The following NUP98 variants were observed in gnomAD, a reference collection of about 807,000 sequenced individuals.
NUP98 encodes the protein nuclear pore complex protein Nup98-Nup96.
Under a neutral mutation model 191.9 loss-of-function variants are expected in NUP98, and 26 were observed. That is an observed-to-expected ratio of 0.14 (90% CI 0.10 to 0.19). The LOEUF (loss-of-function observed/expected upper bound fraction) is 0.19, where lower values mean the gene tolerates loss of function less well. NUP98 is among the 10% of genes least tolerant of loss of function. The pLI, the probability that NUP98 is intolerant of heterozygous loss-of-function variation, is 1.00. For synonymous variants in NUP98, 808 were observed against 778.4 expected, an observed-to-expected ratio of 1.04 and a Z score of -0.63; for missense variants, 1,941 against 2,178.8, an observed-to-expected ratio of 0.89 and a Z score of 2.17.
At chr11:3,791,944 C>T (rs763769077) in intron 1 of NUP98, among the ~76,000 whole-genome samples, 1 of 151,438 alleles carries the variant, frequency 6.6e-6, no homozygotes. Flanking sequence ...CTTTGGGAGG[C>T]GGAGGTGAGC....
rs574289136 is a variant in NUP98 at position 3,699,152 on chromosome 11, A to G, written c.3939T>C (p.Pro1313=). Residue 1313 remains proline, a synonymous_variant, in exon 25 of 33, where the codon CCT becomes CCC. Transcript: ENST00000324932. ...TGAGGTAGCTGAATACAGCCTCCAC[A>G]GGGCTGTTTTTTTGGGTTAAGGAGA... ...EEVSLTQKNS[P]VEAVFSYLTG... 6.2e-7 allele frequency: 1 copy of G among 1,613,948 alleles called. No homozygotes were observed.
At chr11:3,735,403 T>C in intron 12 of NUP98, 79 bp from the exon 13 acceptor site, 1 of 781,172 alleles carries the variant, frequency 1.3e-6, no homozygotes, top group Non-Finnish European at 1.7e-6. Context: ...AACACAGAGC[T>C]CGGTATTCTT....
intron 14 of NUP98, among the ~76,000 whole-genome samples, chr11:3,729,138 A>G (rs2079734784): frequency 6.6e-6 from 1 of 152,168 alleles, no homozygotes; most frequent in African/African-American, 2.4e-5. Flanking sequence ...TGGGTTGGAG[A>G]TAAAAATTTG....
chr11:3,677,809 A>C (rs1197999470), intron 31 of NUP98, among the ~76,000 whole-genome samples: 1 of 152,140 alleles, frequency 6.6e-6, no homozygotes, highest in Non-Finnish European at 1.5e-5. Flanking sequence ...ATTCATACTA[A>C]AAGTACAGCA....
At chr11:3,780,796 G>C (rs1382066289) in intron 2 of NUP98, among the ~76,000 whole-genome samples, 5 of 151,496 alleles carry the variant, frequency 3.3e-5, no homozygotes, top group Non-Finnish European at 5.9e-5. Context: ...CATGAGCCAG[G>C]AGGCCAGGCG....
intron 12 of NUP98, among the ~76,000 whole-genome samples, chr11:3,737,780 G>T (rs7937476): frequency 0.018 from 2,804 of 152,092 alleles, 100 homozygotes; most frequent in African/African-American, 0.064. Context: ...AGTTTGCTCA[G>T]GATCTCAAAC....
intron 22 of NUP98, among the ~76,000 whole-genome samples, chr11:3,704,634 C>A (rs1184497393): frequency 6.6e-6 from 1 of 152,222 alleles, no homozygotes; most frequent in Non-Finnish European, 1.5e-5. Flanking sequence ...AAAACATGAA[C>A]CTAAACAAAG....
intron 1 of NUP98, among the ~76,000 whole-genome samples, chr11:3,784,189 C>A (rs992060257): frequency 1.1e-4 from 17 of 152,200 alleles, no homozygotes; most frequent in African/African-American, 3.4e-4. Flanking sequence ...ATTTTGAGGT[C>A]TTCCCCAAAT....
chr11:3,676,947 C>A (rs1261880907), intron 31 of NUP98, among the ~76,000 whole-genome samples: 2 of 152,142 alleles, frequency 1.3e-5, no homozygotes, highest in East Asian at 1.9e-4. Context: ...AAAGAGCACA[C>A]AAGGAAGTAA....
Position 3,675,924 on chromosome 11 carries a change from T to G in NUP98, c.*235A>C, listed in dbSNP as rs1039296439. On this transcript the variant is annotated 3_prime_UTR_variant, in exon 33 of 33. Coordinates refer to ENST00000324932, the MANE Select transcript of NUP98 (RefSeq NM_016320.5). Reference sequence around the variant, plus strand: ...GACCATTTTTTTAAAGGAAAAACACTGAATGATCTTGAGGATGGTAAACTG... The same window carrying G: ...GACCATTTTTTTAAAGGAAAAACACGGAATGATCTTGAGGATGGTAAACTG... The G allele has an allele frequency of 6.4e-5, 35 of 549,418 alleles. No individual in the cohort carries two copies. The African/African-American group carries it at 6.6e-4, about 10-fold the overall frequency. The allele number at this position is 549,418 out of a possible 1,614,324, so 34.0% of individuals were successfully genotyped here. A position where few individuals can be genotyped will look rare whatever the true frequency, so the allele number is the denominator to read the frequency against.
chr11:3,747,388 C>T (rs2080547533), intron 11 of NUP98, among the ~76,000 whole-genome samples: 1 of 152,052 alleles, frequency 6.6e-6, no homozygotes, highest in African/African-American at 2.4e-5. Context: ...CTATATGTAG[C>T]CATTACTTCA....
chr11:3,747,100 G>C (rs2080533922), intron 11 of NUP98, among the ~76,000 whole-genome samples: 1 of 152,152 alleles, frequency 6.6e-6, no homozygotes, highest in Non-Finnish European at 1.5e-5. Context: ...GAGACATTCT[G>C]AGTGTGATGT....
intron 11 of NUP98, among the ~76,000 whole-genome samples, chr11:3,748,148 C>T (rs1420963653): frequency 6.6e-6 from 1 of 152,060 alleles, no homozygotes; most frequent in African/African-American, 2.4e-5. Flanking sequence ...TAGGATATTA[C>T]ATTATTGTGG....
At chr11:3,755,940 G>T (rs1334564234) in intron 10 of NUP98, among the ~76,000 whole-genome samples, 1 of 152,168 alleles carries the variant, frequency 6.6e-6, no homozygotes, top group African/African-American at 2.4e-5. Context: ...TCCAGCCTGG[G>T]TGACAGAGAA....
intron 11 of NUP98, among the ~76,000 whole-genome samples, chr11:3,745,778 C>A (rs925357797): frequency 6.6e-6 from 1 of 152,106 alleles, no homozygotes; most frequent in Non-Finnish European, 1.5e-5. Context: ...AACATATCAA[C>A]TGCATCTTGA....
At position 3,686,092 on chromosome 11, in the gene NUP98, G is replaced by T. The variant is rs1359392062; in HGVS notation, c.4557C>A (p.Asn1519Lys). The T allele has an allele frequency of 6.2e-7, 1 of 1,614,098 alleles. No individual in the cohort carries two copies. Among genetic ancestry groups the T allele is most frequent in the Non-Finnish European group, 8.5e-7 (1 of 1,180,048 alleles). Residue 1519 changes from asparagine to lysine, a missense_variant, in exon 29 of 33, where the codon AAC (asparagine) becomes AAA (lysine). By Grantham distance (94) the Asn-to-Lys change is moderately conservative. This residue lies in a region of NUP98 where 1,030 missense variants were observed against 1,115.8 expected (regional missense o/e 0.92). Transcript: ENST00000324932. ...CACACTGCGCTGAGAGATGGGTGTA[G>T]TTAAGAGCCCTCAGCACTTCCCACA... ...WHLWEVLRAL[N>K]YTHLSAQCEG...
intron 19 of NUP98, among the ~76,000 whole-genome samples, chr11:3,713,511 G>A (rs1445337436): frequency 6.6e-6 from 1 of 152,168 alleles, no homozygotes; most frequent in Non-Finnish European, 1.5e-5. Flanking sequence ...TTGATCCCAG[G>A]AGTTGGAGAC....
chr11:3,688,525 T>C (rs912916408), intron 28 of NUP98, among the ~76,000 whole-genome samples: 1 of 151,834 alleles, frequency 6.6e-6, no homozygotes, highest in Admixed American at 6.6e-5. Context: ...CCAGGCACAG[T>C]GGCTCACACC....
intron 7 of NUP98, 122 bp downstream of exon 7, chr11:3,771,626 T>C: frequency 1.2e-6 from 1 of 809,326 alleles, no homozygotes; most frequent in Non-Finnish European, 2.0e-6. Flanking sequence ...TTCCTCCCTA[T>C]TCCTATGGTA....
Sources: allele counts gnomAD v4.1 joint callset (sites outside exome capture counted in the v4.1 genomes callset), GRCh38; gene constraint gnomAD v4.1.1; regional missense constraint gnomAD v4.1.1; transcripts MANE v1.5; gene names NCBI Gene and HGNC (gene_info 2026-07-23, HGNC 2026-07-21).